Variants in PDE4B observed in about 807,000 individuals in gnomAD.
PDE4B encodes 3',5'-cyclic-AMP phosphodiesterase 4B.
A neutral mutation model predicts 82.2 loss-of-function variants in PDE4B; 20 were observed. The ratio of observed to expected loss-of-function variants is 0.24; its 90% CI spans 0.17 to 0.35. The LOEUF is 0.35. Ranked by LOEUF, PDE4B falls within the 10% of genes least tolerant of loss-of-function variation. The pLI, the probability that PDE4B is intolerant of heterozygous loss-of-function variation, is 1.00. For synonymous variants in PDE4B, 320 were observed against 318.9 expected (o/e 1.00, Z -0.04); for missense variants, 655 against 907.2 (o/e 0.72, Z 3.57).
At chr1:66,136,845 G>A (rs1230696522) in intron 3 of PDE4B, among the ~76,000 whole-genome samples, 2 of 152,006 alleles carry the variant, frequency 1.3e-5, no homozygotes, top group African/African-American at 4.8e-5. Context: ...GGTTGAGATA[G>A]AAGGAGAACC....
At chr1:66,298,725 A>G (rs1657681448) in intron 7 of PDE4B, among the ~76,000 whole-genome samples, 1 of 152,110 alleles carries the variant, frequency 6.6e-6, no homozygotes, top group Admixed American at 6.6e-5. Flanking sequence ...TTCCACTTGT[A>G]CAAACATTCC....
intron 1 of PDE4B, among the ~76,000 whole-genome samples, chr1:65,904,879 A>C (rs1647011013): frequency 6.6e-6 from 1 of 152,204 alleles, no homozygotes; most frequent in South Asian, 2.1e-4. Context: ...GGACTATAGA[A>C]TAGTGCCTGC....
At chr1:65,927,238 A>T (rs1019114604) in intron 3 of PDE4B, among the ~76,000 whole-genome samples, 1 of 151,788 alleles carries the variant, frequency 6.6e-6, no homozygotes, top group Admixed American at 6.6e-5. Context: ...AACTTTCTTA[A>T]CTATATAAAA....
chr1:66,186,929 C>T (rs1647242030), intron 3 of PDE4B, among the ~76,000 whole-genome samples: 1 of 152,190 alleles, frequency 6.6e-6, no homozygotes, highest in Non-Finnish European at 1.5e-5. Flanking sequence ...AAAGGGAATC[C>T]TTCCAGTTTG....
chr1:66,052,227 G>A (rs1404962748), intron 3 of PDE4B, among the ~76,000 whole-genome samples: 7 of 152,116 alleles, frequency 4.6e-5, no homozygotes, highest in African/African-American at 1.2e-4. Context: ...TGAAATGTCC[G>A]TAAAGTTTTA....
At chr1:66,125,369 G>T (rs1382503175) in intron 3 of PDE4B, among the ~76,000 whole-genome samples, 1 of 152,026 alleles carries the variant, frequency 6.6e-6, no homozygotes, top group Non-Finnish European at 1.5e-5. Context: ...TCACCATGTT[G>T]GTCAGGCTGG....
At chr1:66,164,345 GC>G (rs1646676305) in intron 3 of PDE4B, among the ~76,000 whole-genome samples, 1 of 151,714 alleles carries the variant, frequency 6.6e-6, no homozygotes, top group African/African-American at 2.4e-5. Context: ...AACCAGCCTG[GC>G]CAACATGGTG....
chr1:66,284,950 A>C (rs886471528), intron 7 of PDE4B, among the ~76,000 whole-genome samples: 3 of 152,202 alleles, frequency 2.0e-5, no homozygotes, highest in African/African-American at 7.2e-5. Flanking sequence ...GACAGGAAGC[A>C]GATTCAGGCT....
chr1:65,826,833 A>G (rs1646023465), intron 1 of PDE4B, among the ~76,000 whole-genome samples: 1 of 152,172 alleles, frequency 6.6e-6, no homozygotes, highest in South Asian at 2.1e-4. Flanking sequence ...ATGCCTGATT[A>G]AGAATGAAGC....
chr1:66,117,802 G>T (rs1645626896), intron 3 of PDE4B, among the ~76,000 whole-genome samples: 1 of 152,118 alleles, frequency 6.6e-6, no homozygotes, highest in South Asian at 2.1e-4. Context: ...TACTTAAAAA[G>T]AGGATGCATA....
intron 1 of PDE4B, among the ~76,000 whole-genome samples, chr1:65,826,761 T>C (rs1646022377): frequency 6.6e-6 from 1 of 152,176 alleles, no homozygotes; most frequent in South Asian, 2.1e-4. Context: ...TGTCCAGCAA[T>C]ACTTCCGGAG....
At chr1:65,973,318 T>G (rs1051282260) in intron 3 of PDE4B, among the ~76,000 whole-genome samples, 3 of 151,888 alleles carry the variant, frequency 2.0e-5, no homozygotes, top group African/African-American at 7.2e-5. Flanking sequence ...TATGATTTTA[T>G]GTATAAAATA....
intron 3 of PDE4B, among the ~76,000 whole-genome samples, chr1:66,132,387 T>C (rs1467045768): frequency 6.6e-6 from 1 of 152,202 alleles, no homozygotes; most frequent in Non-Finnish European, 1.5e-5. Flanking sequence ...TAAAATAGGA[T>C]AATAAAACTT....
chr1:65,842,846 G>A (rs926843830), intron 1 of PDE4B, among the ~76,000 whole-genome samples: 2 of 152,148 alleles, frequency 1.3e-5, no homozygotes, highest in African/African-American at 4.8e-5. Flanking sequence ...AGCACAAGAG[G>A]TACTTCTGAA....
At position 65,970,976 on chromosome 1, in the gene PDE4B, T is replaced by G. The variant is rs988714870; in HGVS notation, c.281+52141T>G. 4.0e-5 allele frequency among the ~76,000 whole-genome samples: 6 copies of G among 150,314 alleles called. No individual in the cohort carries two copies. In the Middle Eastern group the frequency reaches 0.01, roughly 256 times the overall value. ...AAATAAGAAAGGATAGGCTAAAGGA[T>G]AAGAGAGGAGAGGCTAAAGAGCTTC... On this transcript the variant is annotated intron_variant, in intron 3 of 16. Transcript: ENST00000341517.
At chr1:66,248,555 C>T (rs568794913) in intron 4 of PDE4B, among the ~76,000 whole-genome samples, 7 of 152,296 alleles carry the variant, frequency 4.6e-5, no homozygotes, top group African/African-American at 1.7e-4. Context: ...TTTTAATAGA[C>T]GCACCCCTGC....
intron 7 of PDE4B, among the ~76,000 whole-genome samples, chr1:66,288,598 G>T (rs985821564): frequency 3.3e-5 from 5 of 152,054 alleles, no homozygotes; most frequent in Admixed American, 6.6e-5. Context: ...CTAAACTAGC[G>T]CCTGGCTTAC....
chr1:66,078,272 C>T (rs1346121993), intron 3 of PDE4B, among the ~76,000 whole-genome samples: 1 of 151,874 alleles, frequency 6.6e-6, no homozygotes, highest in African/African-American at 2.4e-5. Context: ...TCTCAGCTCA[C>T]TGCAACCTCC....
intron 3 of PDE4B, among the ~76,000 whole-genome samples, chr1:66,170,054 A>G (rs1186816135): frequency 6.6e-6 from 1 of 152,228 alleles, no homozygotes; most frequent in African/African-American, 2.4e-5. Flanking sequence ...GAGTTAAGTA[A>G]TAATTATGTA....
Sources: gnomAD v4.1 joint callset for allele counts (sites outside exome capture counted in the v4.1 genomes callset) on GRCh38, gnomAD v4.1.1 for gene constraint, MANE v1.5 for transcripts, NCBI Gene and HGNC (gene_info 2026-07-23, HGNC 2026-07-21) for gene names.